Variants in TLK2 observed in about 807,000 individuals in gnomAD.
The protein encoded by TLK2 is serine/threonine-protein kinase tousled-like 2.
In TLK2, 6 loss-of-function variants were observed where a neutral mutation model predicts 117.3. The observed-to-expected ratio is 0.05, with a 90% CI of 0.03 to 0.10. The LOEUF (loss-of-function observed/expected upper bound fraction) is 0.10. Ranked by LOEUF, TLK2 falls within the 10% of genes least tolerant of loss-of-function variation. TLK2 has a pLI of 1.00. For missense variants in TLK2, 299 were observed against 901.2 expected (o/e 0.33, Z 8.56); for synonymous variants, 257 against 316.7 (o/e 0.81, Z 2.00).
At chr17:62,535,048 C>G (rs1472747617) in intron 6 of TLK2, among the ~76,000 whole-genome samples, 2 of 151,908 alleles carry the variant, frequency 1.3e-5, no homozygotes, top group Non-Finnish European at 2.9e-5. Context: ...ACGACCACGC[C>G]TGGATAATTT....
At chr17:62,527,205 C>G (rs1286683523) in intron 6 of TLK2, among the ~76,000 whole-genome samples, 4 of 152,220 alleles carry the variant, frequency 2.6e-5, no homozygotes. Context: ...TAAGCGGTCT[C>G]CCTTAGCCAA....
At chr17:62,528,694 GGC>G (rs1567856557) in intron 6 of TLK2, among the ~76,000 whole-genome samples, 1 of 152,192 alleles carries the variant, frequency 6.6e-6, no homozygotes, top group Non-Finnish European at 1.5e-5. Context: ...TGGAATTACA[GGC>G]GTGAGCAACT....
At chr17:62,528,768 T>C (rs1663656723) in intron 6 of TLK2, among the ~76,000 whole-genome samples, 1 of 152,322 alleles carries the variant, frequency 6.6e-6, no homozygotes, top group African/African-American at 2.4e-5. Context: ...GAAGGATATA[T>C]GACAGAGACT....
intron 16 of TLK2, among the ~76,000 whole-genome samples, chr17:62,594,234 C>T (rs2082290032): frequency 6.6e-6 from 1 of 151,882 alleles, no homozygotes. Flanking sequence ...ATGGCAAAAC[C>T]CCCTCTCTAC....
At chr17:62,528,497 A>G (rs367794463) in intron 6 of TLK2, among the ~76,000 whole-genome samples, 2 of 152,110 alleles carry the variant, frequency 1.3e-5, no homozygotes. Flanking sequence ...GCTCACTGCA[A>G]CCTCAGCCTC....
intron 11 of TLK2, among the ~76,000 whole-genome samples, chr17:62,569,365 C>T (rs2080078997): frequency 6.7e-6 from 1 of 150,286 alleles, no homozygotes; most frequent in South Asian, 2.1e-4. Context: ...AGTTTCAGAC[C>T]TCTCAGAGAT....
chr17:62,505,858 ATTAT>A lies in TLK2; in HGVS notation c.82-14908_82-14905del, dbSNP rs1390555375. ...AGGTGCATGCCATCATGCCTGGCTA[ATTAT>A]TTATTTTTTTTGTAGAGATGGGGTT... On this transcript the variant is annotated intron_variant, in intron 2 of 21. Transcript: ENST00000346027. Among the ~76,000 whole-genome samples the A allele has an allele frequency of 3.3e-5, 5 of 152,070 alleles. No homozygotes were observed. In the East Asian group the frequency reaches 7.8e-4, roughly 24 times the overall value.
At chr17:62,519,057 G>A (rs1322127860) in intron 2 of TLK2, among the ~76,000 whole-genome samples, 1 of 152,048 alleles carries the variant, frequency 6.6e-6, no homozygotes, top group Non-Finnish European at 1.5e-5. Context: ...CTAATTTTTT[G>A]TATTTTTGGT....
chr17:62,530,967 C>T (rs2076700384), intron 6 of TLK2, among the ~76,000 whole-genome samples: 1 of 151,978 alleles, frequency 6.6e-6, no homozygotes, highest in African/African-American at 2.4e-5. Flanking sequence ...ATTAAGAAAT[C>T]AGCTGTCATT....
intron 2 of TLK2, among the ~76,000 whole-genome samples, chr17:62,514,579 CTT>C (rs779645456): frequency 1.9e-4 from 26 of 136,070 alleles, no homozygotes; most frequent in Admixed American, 2.2e-4. Flanking sequence ...TCTTAACCTT[CTT>C]TTTTTTTTTT....
intron 16 of TLK2, among the ~76,000 whole-genome samples, chr17:62,590,598 C>T (rs1191173319): frequency 1.3e-5 from 2 of 152,094 alleles, no homozygotes; most frequent in Non-Finnish European, 2.9e-5. Flanking sequence ...TTGGACATAG[C>T]GATTAACCCT....
At chr17:62,496,425 C>T (rs1038625453) in intron 2 of TLK2, among the ~76,000 whole-genome samples, 4 of 151,952 alleles carry the variant, frequency 2.6e-5, no homozygotes, top group Admixed American at 2.6e-4. Flanking sequence ...CAGGATAAAT[C>T]CCTAGAAGTG....
intron 19 of TLK2, among the ~76,000 whole-genome samples, chr17:62,605,647 A>G (rs2083235258): frequency 6.6e-6 from 1 of 152,246 alleles, no homozygotes; most frequent in South Asian, 2.1e-4. Context: ...TGCTGGGATT[A>G]CCACACCCCG....
chr17:62,546,286 T>C (rs1201377413), intron 7 of TLK2, among the ~76,000 whole-genome samples: 4 of 151,346 alleles, frequency 2.6e-5, no homozygotes, highest in Admixed American at 6.6e-5. Context: ...GTACTGCGAT[T>C]ATAGGCGTGA....
intron 4 of TLK2, 21 bp downstream of exon 4, chr17:62,522,294 A>C (rs757068662): frequency 6.2e-6 from 10 of 1,606,032 alleles, no homozygotes; most frequent in Admixed American, 1.7e-5. Context: ...TTTCGTATCA[A>C]CAAAAGTACT....
In TLK2 at chr17:62,536,181, A is replaced by G; in HGVS notation, c.375A>G (p.Glu125=). The change falls in exon 7 of 22, where the codon GAA becomes GAG. Residue 125 remains glutamate (E), a synonymous_variant. Transcript: ENST00000346027. The part of the protein sequence containing the change: ...SLSNPLPRRV[E]QPLYGLDGSA... ...TTACTGTTTTCCAGCGACGAGTAGAACAGCCCCTCTATGGTTTAGATGGCA... is the reference window on the plus strand; with the variant it reads ...TTACTGTTTTCCAGCGACGAGTAGAGCAGCCCCTCTATGGTTTAGATGGCA... 1 of 1,611,252 alleles carries G rather than the reference A, an allele frequency of 6.2e-7. No individual in the cohort carries two copies. The highest frequency in any genetic ancestry group is 8.5e-7 in the Non-Finnish European group (1 of 1,179,206).
intron 7 of TLK2, among the ~76,000 whole-genome samples, chr17:62,546,351 T>TTTTTTG (rs1281407283): frequency 1.5e-5 from 1 of 66,938 alleles, no homozygotes; most frequent in African/African-American, 4.4e-5. Flanking sequence ...ATTGTTTTTT[T>TTTTTTG]TTTTTTTTTA....
intron 2 of TLK2, among the ~76,000 whole-genome samples, chr17:62,497,326 A>G (rs1158595559): frequency 6.6e-6 from 1 of 152,204 alleles, no homozygotes; most frequent in Non-Finnish European, 1.5e-5. Context: ...ACTTATAGTT[A>G]GTTGACCTGA....
At chr17:62,569,888 C>T (rs2080134339) in intron 11 of TLK2, among the ~76,000 whole-genome samples, 1 of 152,182 alleles carries the variant, frequency 6.6e-6, no homozygotes, top group Non-Finnish European at 1.5e-5. Flanking sequence ...TCTCACACTT[C>T]AGGAGTCTGA....
Sources: allele counts gnomAD v4.1 joint callset (sites outside exome capture counted in the v4.1 genomes callset), GRCh38; gene constraint gnomAD v4.1.1; transcripts MANE v1.5; gene names NCBI Gene and HGNC (gene_info 2026-07-23, HGNC 2026-07-21).